ASB13: variants seen among roughly 807,000 people sequenced by gnomAD.
ASB13 encodes the protein ankyrin repeat and SOCS box protein 13.
ASB13 carries 33 observed loss-of-function variants against 28.8 expected under a neutral mutation model. That is an observed-to-expected ratio of 1.15 (90% CI 0.87 to 1.53). The LOEUF is 1.53. ASB13 is among the 40% of genes most tolerant of loss of function. ASB13 has a pLI of 0.00. For missense variants in ASB13, 414 were observed against 390.1 expected (o/e 1.06, Z -0.52); for synonymous variants, 182 against 172.9 (o/e 1.05, Z -0.41).
At position 5,640,754 on chromosome 10, in the gene ASB13, A is replaced by G. The variant is rs1384206350; in HGVS notation, c.786T>C (p.Ile262=). The G allele has an allele frequency of 6.2e-7, 1 of 1,614,142 alleles. No homozygotes were observed. The highest frequency in any genetic ancestry group is 8.5e-7 in the Non-Finnish European group (1 of 1,180,010). Residue 262 remains isoleucine (I), a synonymous_variant, in exon 6 of 6, where the codon ATT becomes ATC. Coordinates refer to ENST00000357700, the MANE Select transcript of ASB13 (RefSeq NM_024701.4). ...KATGVRGLEK[I]AKLNIPPRLI... is the part of the protein sequence containing the mutation. ...GCCGGGGCGGGATGTTTAACTTGGC[A>G]ATCTTCTCCAGCCCTCGGACGCCAG...
rs1835222104 is a variant in ASB13 at position 5,664,338 on chromosome 10, T to G, written c.43+2171A>C. 6.6e-6 allele frequency among the ~76,000 whole-genome samples: 1 copy of G among 151,510 alleles called. No individual in the cohort carries two copies. On this transcript the variant is annotated intron_variant, in intron 1 of 5. Transcript: ENST00000357700. This position sits in a 1 kb window ranked among gnomAD's most constrained non-coding sequence, Gnocchi z 4.2. Reference sequence around the variant, plus strand: ...AGGAGAGAGAGAACACAGGACTCATTGCTTACCTGAGGGGCCTAAGAAGAC... The same window carrying G: ...AGGAGAGAGAGAACACAGGACTCATGGCTTACCTGAGGGGCCTAAGAAGAC...
chr10:5,649,070 G>A lies in ASB13; in HGVS notation c.417C>T (p.Val139=), dbSNP rs748891348. 2.5e-5 allele frequency: 40 copies of A among 1,614,100 alleles called. No homozygotes were observed. Among genetic ancestry groups the A allele is most frequent in the African/African-American group, 4.0e-5 (3 of 74,940 alleles). ...SSECVRLLID[V]GANLEAHDCH... is the part of the protein sequence containing the mutation. ...AATCGTGCGCTTCCAGATTGGCCCC[G>A]ACGTCAATAAGAAGCCTCACACATT... The change falls in exon 4 of 6, where the codon GTC becomes GTT. Residue 139 remains valine, a synonymous_variant. Transcript: ENST00000357700. The surrounding 1 kb of genome is among the most constrained non-coding windows in gnomAD (Gnocchi z 6.4).
Position 5,649,052 on chromosome 10 carries a change from C to T in ASB13, c.435G>A (p.Ala145=), listed in dbSNP as rs751247527. 11 of 1,614,136 alleles carry T rather than the reference C, an allele frequency of 6.8e-6. No homozygotes were observed. The highest frequency in any genetic ancestry group is 4.5e-5 in the East Asian group (2 of 44,900). ...LLIDVGANLE[A]HDCHFGTPLH... is the part of the protein sequence containing the mutation. ...GAGGGGTCCCAAAATGGCAATCGTG[C>T]GCTTCCAGATTGGCCCCGACGTCAA... Residue 145 remains alanine (A), a synonymous_variant, in exon 4 of 6, where the codon GCG becomes GCA. Coordinates refer to ENST00000357700, the MANE Select transcript of ASB13 (RefSeq NM_024701.4). This position sits in a 1 kb window ranked among gnomAD's most constrained non-coding sequence, Gnocchi z 6.4.
intron 1 of ASB13, among the ~76,000 whole-genome samples, chr10:5,653,847 A>G (rs1835029636): frequency 6.6e-6 from 1 of 152,014 alleles, no homozygotes; most frequent in Non-Finnish European, 1.5e-5. Flanking sequence ...ACACCCAGCT[A>G]ATTTTTCTAT....
intron 4 of ASB13, among the ~76,000 whole-genome samples, chr10:5,643,572 A>T (rs12354690): frequency 0.013 from 1,921 of 152,354 alleles, 29 homozygotes; most frequent in East Asian, 0.068. Flanking sequence ...GTACTACAAA[A>T]AAATAATATT....
rs952580149 is a variant in ASB13 at position 5,660,989 on chromosome 10, G to A, written c.43+5520C>T. ...CAGCTTGAAAGCAGCCAGGATGTGA[G>A]TATTTAGACCAGGGAAAGCAGCAAA... On this transcript the variant is annotated intron_variant, in intron 1 of 5. Coordinates refer to ENST00000357700, the MANE Select transcript of ASB13 (RefSeq NM_024701.4). This position sits in a 1 kb window ranked among gnomAD's most constrained non-coding sequence, Gnocchi z 6.1. Among the ~76,000 whole-genome samples the A allele has an allele frequency of 7.9e-5, 12 of 152,200 alleles. No individual in the cohort carries two copies. The highest frequency in any genetic ancestry group is 2.2e-4 in the African/African-American group (9 of 41,446).
rs926412314 is a variant in ASB13, at chr10:5,663,171, A to C, written c.43+3338T>G. Among the ~76,000 whole-genome samples the C allele has an allele frequency of 6.6e-6, 1 of 152,214 alleles. No individual in the cohort carries two copies. Among genetic ancestry groups the C allele is most frequent in the African/African-American group, 2.4e-5 (1 of 41,456 alleles). ...CTTCTTAGAGGGACAAAATGGTCAA[A>C]ACTCAGTAAGAGTGGAGAAAAGAAA... is the stretch of plus-strand genomic sequence containing the variant. On this transcript the variant is annotated intron_variant, in intron 1 of 5. Transcript: ENST00000357700. The surrounding 1 kb of genome is among the most constrained non-coding windows in gnomAD (Gnocchi z 4.9).
At chr10:5,648,882 C>T (rs1208980413) in intron 4 of ASB13, 88 bp downstream of exon 4, 10 of 1,571,564 alleles carry the variant, frequency 6.4e-6, no homozygotes, top group Non-Finnish European at 8.6e-6. Flanking sequence ...GGGCAAACAC[C>T]CACTTGGGCA....
intron 5 of ASB13, 108 bp from the exon 6 acceptor site, chr10:5,640,938 G>T: frequency 3.5e-6 from 5 of 1,417,070 alleles, no homozygotes; most frequent in Non-Finnish European, 4.8e-6. Context: ...CTTTCCCCTG[G>T]AACCGGGATG....
intron 1 of ASB13, among the ~76,000 whole-genome samples, chr10:5,665,868 A>G (rs1835250189): frequency 1.3e-5 from 2 of 152,048 alleles, no homozygotes; most frequent in Admixed American, 6.5e-5. Context: ...ATTGCTTCAT[A>G]GGCAGCAAAA....
Position 5,666,575 on chromosome 10 carries a change from C to T in ASB13, c.-24G>A, listed in dbSNP as rs1012255851. Reference sequence around the variant, plus strand: ...ATGCGGCTCACCGGCGGCCGCGCGGCGACTCTGGGCGCCGGGACCTGGGCC... The same window carrying T: ...ATGCGGCTCACCGGCGGCCGCGCGGTGACTCTGGGCGCCGGGACCTGGGCC... On this transcript the variant is annotated 5_prime_UTR_variant, in exon 1 of 6. Transcript: ENST00000357700. 8.8e-7 allele frequency: 1 copy of T among 1,133,148 alleles called. No individual in the cohort carries two copies. Among genetic ancestry groups the T allele is most frequent in the Non-Finnish European group, 1.1e-6 (1 of 925,054 alleles). The allele number at this position is 1,133,148 out of a possible 1,614,324, so 70.2% of individuals were successfully genotyped here.
At position 5,651,372 on chromosome 10, in the gene ASB13, A is replaced by T. The variant is rs767135724; in HGVS notation, c.232-9T>A. On this transcript the variant is annotated splice_polypyrimidine_tract_variant and intron_variant, in intron 2 of 5. Transcript: ENST00000357700. This position sits in a 1 kb window ranked among gnomAD's most constrained non-coding sequence, Gnocchi z 5.1. ...ATGTTGCGAGCATCCACCTCACGGGAGGAAGAAACAAGTGTCAAAGGGCAG... is the reference window on the plus strand; with the variant it reads ...ATGTTGCGAGCATCCACCTCACGGGTGGAAGAAACAAGTGTCAAAGGGCAG... 26 of 1,588,456 alleles carry T rather than the reference A, an allele frequency of 1.6e-5. No individual in the cohort carries two copies. In the South Asian group the frequency reaches 2.8e-4, roughly 17 times the overall value.
rs1415002593 is a variant in ASB13, at chr10:5,639,055, C to A, written c.*1648G>T. Reference sequence around the variant, plus strand: ...TGCAGAAACACTGACTGATCCAGAACTGGTAACTAAGGCGGTGATCAAACA... The same window carrying A: ...TGCAGAAACACTGACTGATCCAGAAATGGTAACTAAGGCGGTGATCAAACA... On this transcript the variant is annotated 3_prime_UTR_variant, in exon 6 of 6. Transcript: ENST00000357700. The A allele has an allele frequency of 6.6e-6, 1 of 152,612 alleles. No individual in the cohort carries two copies. Among genetic ancestry groups the A allele is most frequent in the African/African-American group, 2.4e-5 (1 of 41,446 alleles). 9.5% of individuals were successfully genotyped at this position (152,612 alleles called of 1,614,324 possible). A position where few individuals can be genotyped will look rare whatever the true frequency, so the allele number is the denominator to read the frequency against.
chr10:5,645,832 G>C lies in ASB13; in HGVS notation c.517+3138C>G, dbSNP rs1296355628. On this transcript the variant is annotated intron_variant, in intron 4 of 5. Coordinates refer to ENST00000357700, the MANE Select transcript of ASB13 (RefSeq NM_024701.4). This position sits in a 1 kb window ranked among gnomAD's most constrained non-coding sequence, Gnocchi z 5.4. ...AGGGATCTGTGACCTGACCCCAAAA[G>C]ATCAGAATCACTACTTTTTAAAAAT... Among the ~76,000 whole-genome samples, 9 of 152,192 alleles carry C rather than the reference G, an allele frequency of 5.9e-5. No homozygotes were observed. The highest frequency in any genetic ancestry group is 5.9e-4 in the Admixed American group (9 of 15,284).
rs1835169297 is a variant in ASB13 at position 5,661,691 on chromosome 10, G to T, written c.43+4818C>A. Among the ~76,000 whole-genome samples the T allele has an allele frequency of 6.6e-6, 1 of 151,972 alleles. No homozygotes were observed. Among genetic ancestry groups the T allele is most frequent in the South Asian group, 2.1e-4 (1 of 4,824 alleles). ...TTTTTGTATTTTCTGTAGAGACAGG[G>T]TTTCACCATGTTGCCCAGGCTGGTC... On this transcript the variant is annotated intron_variant, in intron 1 of 5. Coordinates refer to ENST00000357700, the MANE Select transcript of ASB13 (RefSeq NM_024701.4). This position sits in a 1 kb window ranked among gnomAD's most constrained non-coding sequence, Gnocchi z 4.9.
Position 5,642,390 on chromosome 10 carries a change from G to T in ASB13, c.518-429C>A, listed in dbSNP as rs1268292731. 1 of 757,590 alleles carries T rather than the reference G, an allele frequency of 1.3e-6. No individual in the cohort carries two copies. Among genetic ancestry groups the T allele is most frequent in the Non-Finnish European group, 1.7e-6 (1 of 574,702 alleles). The allele number at this position is 757,590 out of a possible 1,614,324, so 46.9% of individuals were successfully genotyped here. The stretch of plus-strand genomic sequence containing the variant: ...TTCCTCTTGCGGGCCCAGGACGGAG[G>T]CTCCAGAAATACTGGTTGAATGAAA... On this transcript the variant is annotated intron_variant, in intron 4 of 5. Coordinates refer to ENST00000357700, the MANE Select transcript of ASB13 (RefSeq NM_024701.4). This position sits in a 1 kb window ranked among gnomAD's most constrained non-coding sequence, Gnocchi z 4.1.
chr10:5,651,491 C>G lies in ASB13; in HGVS notation c.232-128G>C. On this transcript the variant is annotated intron_variant, in intron 2 of 5. Coordinates refer to ENST00000357700, the MANE Select transcript of ASB13 (RefSeq NM_024701.4). The surrounding 1 kb of genome is among the most constrained non-coding windows in gnomAD (Gnocchi z 5.1). ...CACCGGTTTGCTTTGCTATTATGTG[C>G]TAGGCAACGACACTGAAAGAGATAG... 9.3e-7 allele frequency: 1 copy of G among 1,080,234 alleles called. No homozygotes were observed. The highest frequency in any genetic ancestry group is 1.3e-6 in the Non-Finnish European group (1 of 770,450). 66.9% of individuals were successfully genotyped at this position (1,080,234 alleles called of 1,614,324 possible).
In ASB13 at chr10:5,652,191, A is replaced by G. The variant is rs769660257; in HGVS notation, c.231+672T>C. ...TTTATTTAGCATTTGTCCAAATTCA[A>G]ATTCTATTTGGGTACACACTGAAAT... On this transcript the variant is annotated intron_variant, in intron 2 of 5. Coordinates refer to ENST00000357700, the MANE Select transcript of ASB13 (RefSeq NM_024701.4). The surrounding 1 kb of genome is among the most constrained non-coding windows in gnomAD (Gnocchi z 5.0). Among the ~76,000 whole-genome samples, 3 of 152,100 alleles carry G rather than the reference A, an allele frequency of 2.0e-5. No individual in the cohort carries two copies. Among genetic ancestry groups the G allele is most frequent in the Non-Finnish European group, 2.9e-5 (2 of 68,020 alleles).
chr10:5,666,012 C>G lies in ASB13; in HGVS notation c.43+497G>C, dbSNP rs560622642. Among the ~76,000 whole-genome samples, 6 of 152,334 alleles carry G rather than the reference C, an allele frequency of 3.9e-5. No individual in the cohort carries two copies. The South Asian group carries it at 8.3e-4, about 21-fold the overall frequency. On this transcript the variant is annotated intron_variant, in intron 1 of 5. Transcript: ENST00000357700. The stretch of plus-strand genomic sequence containing the variant: ...CCGGGGTGCCCCAAGGCCACCTTCA[C>G]TGGAGCGGAGTCGGGGTCACGCGGA...
Sources: gnomAD v4.1 joint callset for allele counts (sites outside exome capture counted in the v4.1 genomes callset) on GRCh38, gnomAD v4.1.1 for gene constraint, Gnocchi (gnomAD v3.1) non-coding constraint, MANE v1.5 for transcripts, NCBI Gene and HGNC (gene_info 2026-07-23, HGNC 2026-07-21) for gene names.